The following DLG2 variants were observed in gnomAD, a reference collection of about 807,000 sequenced individuals.
DLG2 encodes disks large homolog 2.
In DLG2, 45 loss-of-function variants were observed where a neutral mutation model predicts 132.5. The ratio of observed to expected loss-of-function variants is 0.34; its 90% CI spans 0.27 to 0.44. The LOEUF (loss-of-function observed/expected upper bound fraction) is 0.44. Ranked by LOEUF, DLG2 falls within the 20% of genes least tolerant of loss-of-function variation. The probability of loss-of-function intolerance (pLI) is 1.00; values close to 1 mark genes in which losing one functional copy is unlikely to be tolerated. For synonymous variants in DLG2, 424 were observed against 419.6 expected (o/e 1.01, Z -0.13); for missense variants, 1,045 against 1,196.9 (o/e 0.87, Z 1.87).
intron 10 of DLG2, among the ~76,000 whole-genome samples, chr11:84,087,141 CAT>C (rs1489251152): frequency 3.9e-5 from 6 of 152,216 alleles, no homozygotes; most frequent in African/African-American, 1.4e-4. Flanking sequence ...TTTGTGTAGA[CAT>C]ATGTTTTCAG....
intron 6 of DLG2, among the ~76,000 whole-genome samples, chr11:84,654,781 T>G (rs760985207): frequency 6.6e-6 from 1 of 152,122 alleles, no homozygotes; most frequent in African/African-American, 2.4e-5. Context: ...TTCCCTTACT[T>G]TAGTAGTGTG....
intron 7 of DLG2, among the ~76,000 whole-genome samples, chr11:84,403,380 G>A (rs2098837418): frequency 6.6e-6 from 1 of 152,138 alleles, no homozygotes; most frequent in South Asian, 2.1e-4. Context: ...ACGGTCCCCA[G>A]TTTCCCTGAC....
intron 8 of DLG2, among the ~76,000 whole-genome samples, chr11:84,191,472 C>A (rs569234414): frequency 6.6e-6 from 1 of 152,296 alleles, no homozygotes; most frequent in East Asian, 1.9e-4. Flanking sequence ...TCAAAAACTA[C>A]ATTAGAAACT....
intron 3 of DLG2, among the ~76,000 whole-genome samples, chr11:85,298,690 T>G (rs893617442): frequency 6.6e-6 from 1 of 152,154 alleles, no homozygotes; most frequent in Non-Finnish European, 1.5e-5. Context: ...TTGGTATTAT[T>G]GGTATTAACA....
intron 11 of DLG2, among the ~76,000 whole-genome samples, chr11:84,038,803 A>G (rs564978055): frequency 6.6e-6 from 1 of 152,192 alleles, no homozygotes; most frequent in African/African-American, 2.4e-5. Context: ...GAAACTTACA[A>G]TCATGGCAGA....
In DLG2 at chr11:83,471,681, C is replaced by A; in HGVS notation, c.2391G>T (p.Arg797=). The A allele has an allele frequency of 6.2e-7, 1 of 1,613,084 alleles. No individual in the cohort carries two copies. The highest frequency in any genetic ancestry group is 1.1e-5 in the South Asian group (1 of 91,026). Residue 797 remains arginine, a synonymous_variant, in exon 24 of 28, where the codon CGG becomes CGT. Coordinates refer to ENST00000376104, the MANE Select transcript of DLG2 (RefSeq NM_001142699.3). The part of the protein sequence containing the change: ...PVIILGPMKD[R]INDDLISEFP... ...ATTCAGATATCAAGTCGTCATTGATCCGATCCTTCATGGGCCCCAGGATAA... is the reference window on the plus strand; with the variant it reads ...ATTCAGATATCAAGTCGTCATTGATACGATCCTTCATGGGCCCCAGGATAA...
chr11:85,271,123 C>A (rs1287489270), intron 4 of DLG2, among the ~76,000 whole-genome samples: 1 of 152,172 alleles, frequency 6.6e-6, no homozygotes, highest in Non-Finnish European at 1.5e-5. Flanking sequence ...GCCCAGGGTC[C>A]CTCTGCTGTG....
chr11:85,549,944 A>G (rs1434273939), intron 3 of DLG2, among the ~76,000 whole-genome samples: 2 of 152,244 alleles, frequency 1.3e-5, no homozygotes, highest in Admixed American at 6.5e-5. Context: ...TAGAAAACTC[A>G]TGAATAATCC....
intron 8 of DLG2, among the ~76,000 whole-genome samples, chr11:84,181,926 T>G (rs1232061459): frequency 6.6e-6 from 1 of 152,178 alleles, no homozygotes; most frequent in Non-Finnish European, 1.5e-5. Context: ...TCCACTATTA[T>G]AGTTGGAGAC....
At chr11:85,573,113 A>G (rs1034547924) in intron 3 of DLG2, among the ~76,000 whole-genome samples, 1 of 152,168 alleles carries the variant, frequency 6.6e-6, no homozygotes, top group African/African-American at 2.4e-5. Context: ...TTCAGCCATG[A>G]GTTAAAGCTT....
chr11:85,021,384 C>G lies in DLG2; in HGVS notation c.357+90277G>C. ...GTTTCACACCTGCTTTTCCTCGGTTCACTTTTGGCACTGGAGCCAGGTTAA... is the reference window on the plus strand; with the variant it reads ...GTTTCACACCTGCTTTTCCTCGGTTGACTTTTGGCACTGGAGCCAGGTTAA... On this transcript the variant is annotated intron_variant, in intron 6 of 27. Coordinates refer to ENST00000376104, the MANE Select transcript of DLG2 (RefSeq NM_001142699.3). 4 of 1,350,198 alleles carry G rather than the reference C, an allele frequency of 3.0e-6. No individual in the cohort carries two copies. In the Admixed American group the frequency reaches 6.7e-5, roughly 23 times the overall value. 83.6% of individuals were successfully genotyped at this position (1,350,198 alleles called of 1,614,324 possible).
chr11:84,410,582 T>C (rs982981538), intron 7 of DLG2, among the ~76,000 whole-genome samples: 8 of 149,220 alleles, frequency 5.4e-5, no homozygotes, highest in African/African-American at 1.7e-4. Flanking sequence ...AACTTTTTTT[T>C]TTTTTTTTTT....
chr11:84,339,996 G>A (rs1159242833), intron 7 of DLG2, among the ~76,000 whole-genome samples: 1 of 152,196 alleles, frequency 6.6e-6, no homozygotes, highest in East Asian at 1.9e-4. Context: ...TGTGCATGGG[G>A]ACTAGTATGT....
intron 3 of DLG2, among the ~76,000 whole-genome samples, chr11:85,417,587 G>A (rs1405129245): frequency 2.0e-5 from 3 of 152,010 alleles, no homozygotes; most frequent in Non-Finnish European, 4.4e-5. Context: ...GCTTTTTTTG[G>A]TTGGTAGGCT....
intron 7 of DLG2, among the ~76,000 whole-genome samples, chr11:84,399,110 C>G (rs1288613314): frequency 6.6e-6 from 1 of 152,098 alleles, no homozygotes; most frequent in Non-Finnish European, 1.5e-5. Context: ...ACACACATCT[C>G]TTAGTCTAAA....
intron 6 of DLG2, among the ~76,000 whole-genome samples, chr11:84,678,500 C>A (rs2099720685): frequency 6.6e-6 from 1 of 152,068 alleles, no homozygotes; most frequent in South Asian, 2.1e-4. Context: ...TGCCACTTAA[C>A]TGTAATGTAA....
chr11:84,816,162 G>A (rs771004151), intron 6 of DLG2, among the ~76,000 whole-genome samples: 4 of 151,954 alleles, frequency 2.6e-5, no homozygotes, highest in Admixed American at 6.6e-5. Context: ...TGCTCCATAC[G>A]TTTTCTGCCA....
chr11:84,803,460 A>T (rs2075652753), intron 6 of DLG2, among the ~76,000 whole-genome samples: 1 of 152,144 alleles, frequency 6.6e-6, no homozygotes, highest in African/African-American at 2.4e-5. Flanking sequence ...TTGGACTTTG[A>T]TATGAGGGCC....
chr11:83,659,116 A>AT (rs1297154602), intron 18 of DLG2, among the ~76,000 whole-genome samples: 1 of 149,822 alleles, frequency 6.7e-6, no homozygotes, highest in African/African-American at 2.6e-5. Flanking sequence ...GAATACAACA[A>AT]TGATTATGGG....
Sources: allele counts gnomAD v4.1 joint callset (sites outside exome capture counted in the v4.1 genomes callset), GRCh38; gene constraint gnomAD v4.1.1; transcripts MANE v1.5; gene names NCBI Gene and HGNC (gene_info 2026-07-23, HGNC 2026-07-21).